The following IGSF21 variants were observed in gnomAD, a reference collection of about 807,000 sequenced individuals.
IGSF21 encodes immunoglobulin superfamily member 21.
In IGSF21, 28 loss-of-function variants were observed where a neutral mutation model predicts 46.8. The observed-to-expected ratio is 0.60, with a 90% CI of 0.44 to 0.82. IGSF21 has a LOEUF of 0.82. Ranked by LOEUF, IGSF21 falls within the 40% of genes least tolerant of loss-of-function variation. The pLI is 0.00. For synonymous variants in IGSF21, 284 were observed against 273.6 expected (o/e 1.04, Z -0.38); for missense variants, 624 against 665.5 (o/e 0.94, Z 0.69).
At chr1:18,230,388 C>T (rs1171188127) in intron 2 of IGSF21, among the ~76,000 whole-genome samples, 2 of 152,196 alleles carry the variant, frequency 1.3e-5, no homozygotes, top group African/African-American at 2.4e-5. Flanking sequence ...CGCTGCATAT[C>T]GGGCCATGGT....
chr1:18,247,093 C>T (rs530000715), intron 2 of IGSF21, among the ~76,000 whole-genome samples: 1 of 149,894 alleles, frequency 6.7e-6, no homozygotes, highest in East Asian at 2.0e-4. Flanking sequence ...CTCTGTCGCC[C>T]AGGCTGGAGT....
intron 1 of IGSF21, among the ~76,000 whole-genome samples, chr1:18,162,411 C>T (rs568652292): frequency 1.1e-4 from 17 of 152,254 alleles, no homozygotes; most frequent in African/African-American, 3.6e-4. Context: ...TAGAAACCAT[C>T]CTTTGAATTT....
Position 18,345,093 on chromosome 1 carries a change from A to C in IGSF21, c.424+10083A>C, listed in dbSNP as rs371997121. Among the ~76,000 whole-genome samples, 19 of 152,246 alleles carry C rather than the reference A, an allele frequency of 1.2e-4. No individual in the cohort carries two copies. In the East Asian group the frequency reaches 3.7e-3, roughly 29 times the overall value. ...CAGGCTGGGGCTACTCTTATTCCCCAAGCAAAAGCCTGGACAAGCCCATTC... is the reference window on the plus strand; with the variant it reads ...CAGGCTGGGGCTACTCTTATTCCCCCAGCAAAAGCCTGGACAAGCCCATTC... On this transcript the variant is annotated intron_variant, in intron 4 of 9. Transcript: ENST00000251296.
intron 2 of IGSF21, among the ~76,000 whole-genome samples, chr1:18,288,858 G>T (rs564363472): frequency 2.0e-5 from 3 of 152,324 alleles, no homozygotes; most frequent in African/African-American, 7.2e-5. Context: ...GCCTGAAGCA[G>T]GTTTCACAGA....
At chr1:18,221,016 G>C (rs1288239150) in intron 1 of IGSF21, among the ~76,000 whole-genome samples, 2 of 152,136 alleles carry the variant, frequency 1.3e-5, no homozygotes, top group Non-Finnish European at 2.9e-5. Context: ...GAAATGATCA[G>C]GGACCATGAA....
chr1:18,145,393 T>C (rs2086456199), intron 1 of IGSF21, among the ~76,000 whole-genome samples: 1 of 152,048 alleles, frequency 6.6e-6, no homozygotes. Context: ...TCAAAGTTAA[T>C]GGCAAAACCA....
At chr1:18,275,750 C>A (rs72932990) in intron 2 of IGSF21, among the ~76,000 whole-genome samples, 2,751 of 152,224 alleles carry the variant, frequency 0.018, 85 homozygotes, top group African/African-American at 0.063. Context: ...CTGCAGGAGA[C>A]AGGAAGCCAG....
At chr1:18,266,911 A>G (rs1349513843) in intron 2 of IGSF21, among the ~76,000 whole-genome samples, 1 of 152,134 alleles carries the variant, frequency 6.6e-6, no homozygotes, top group African/African-American at 2.4e-5. Flanking sequence ...TGAGCTCCCA[A>G]TCAAACTGAA....
At chr1:18,236,354 G>A (rs962898732) in intron 2 of IGSF21, among the ~76,000 whole-genome samples, 2 of 152,190 alleles carry the variant, frequency 1.3e-5, no homozygotes, top group African/African-American at 4.8e-5. Flanking sequence ...CCATGACTGT[G>A]AGGCCTCCTC....
chr1:18,175,767 G>A (rs1237599897), intron 1 of IGSF21, among the ~76,000 whole-genome samples: 2 of 152,246 alleles, frequency 1.3e-5, no homozygotes, highest in Admixed American at 1.3e-4. Context: ...ATGAGCCAGA[G>A]CCATGTTCCC....
Position 18,378,428 on chromosome 1 carries a change from C to G in IGSF21, c.*102C>G. 2.0e-6 allele frequency: 2 copies of G among 1,004,638 alleles called. No individual in the cohort carries two copies. Among genetic ancestry groups the G allele is most frequent in the Non-Finnish European group, 3.0e-6 (2 of 671,598 alleles). 62.2% of individuals were successfully genotyped at this position (1,004,638 alleles called of 1,614,324 possible). Reference sequence around the variant, plus strand: ...AGTCTTGTTCTTAGTCTCTTTCCATCTGTGTCTTGGCTTCTTCAGTCGGTT... The same window carrying G: ...AGTCTTGTTCTTAGTCTCTTTCCATGTGTGTCTTGGCTTCTTCAGTCGGTT... On this transcript the variant is annotated 3_prime_UTR_variant, in exon 10 of 10. Transcript: ENST00000251296.
intron 1 of IGSF21, among the ~76,000 whole-genome samples, chr1:18,165,214 C>G (rs2086667174): frequency 6.6e-6 from 1 of 152,104 alleles, no homozygotes; most frequent in Non-Finnish European, 1.5e-5. Context: ...ATACCACAAA[C>G]TGGGTGGTTT....
intron 4 of IGSF21, among the ~76,000 whole-genome samples, chr1:18,350,508 T>C (rs1014879339): frequency 6.6e-6 from 1 of 152,214 alleles, no homozygotes; most frequent in African/African-American, 2.4e-5. Flanking sequence ...CAAGAGATAT[T>C]CAATCAAGCA....
intron 1 of IGSF21, among the ~76,000 whole-genome samples, chr1:18,175,494 G>A (rs2086786548): frequency 6.6e-6 from 1 of 152,198 alleles, no homozygotes; most frequent in Non-Finnish European, 1.5e-5. Flanking sequence ...GCAGCTCCTT[G>A]AGGGATGCTG....
At chr1:18,264,711 A>G (rs1427801473) in intron 2 of IGSF21, among the ~76,000 whole-genome samples, 2 of 152,314 alleles carry the variant, frequency 1.3e-5, no homozygotes, top group African/African-American at 4.8e-5. Flanking sequence ...GAATCATTGA[A>G]TTTGACCTAA....
intron 2 of IGSF21, among the ~76,000 whole-genome samples, chr1:18,233,339 G>A (rs1366145825): frequency 2.0e-5 from 3 of 152,166 alleles, no homozygotes; most frequent in Admixed American, 2.0e-4. Context: ...GTCCCCTCTG[G>A]GTTCTGCTGG....
intron 6 of IGSF21, among the ~76,000 whole-genome samples, chr1:18,372,721 G>A (rs2086239286): frequency 1.3e-5 from 2 of 151,124 alleles, no homozygotes; most frequent in Non-Finnish European, 3.0e-5. Context: ...GGGATGGATG[G>A]ATGAGTGTTT....
At chr1:18,269,126 G>A (rs2085018801) in intron 2 of IGSF21, among the ~76,000 whole-genome samples, 1 of 152,202 alleles carries the variant, frequency 6.6e-6, no homozygotes, top group African/African-American at 2.4e-5. Flanking sequence ...GAGGAAGTGA[G>A]GCTGCAGCAG....
At chr1:18,117,292 C>T (rs1356544848) in intron 1 of IGSF21, among the ~76,000 whole-genome samples, 5 of 152,196 alleles carry the variant, frequency 3.3e-5, no homozygotes, top group African/African-American at 1.2e-4. Context: ...CCAGGCCCTA[C>T]CAAGATTGCA....
Sources: gnomAD v4.1 joint callset for allele counts (sites outside exome capture counted in the v4.1 genomes callset) on GRCh38, gnomAD v4.1.1 for gene constraint, MANE v1.5 for transcripts, NCBI Gene and HGNC (gene_info 2026-07-23, HGNC 2026-07-21) for gene names.